Variants in NFYC observed in about 807,000 individuals in gnomAD.
NFYC encodes the protein nuclear transcription factor Y subunit gamma.
A neutral mutation model predicts 53.1 loss-of-function variants in NFYC; 25 were observed. The observed-to-expected ratio is 0.47, with a 90% confidence interval of 0.34 to 0.66. The LOEUF is 0.66. NFYC is among the 30% of genes least tolerant of loss of function. NFYC has a pLI of 0.01. For missense variants in NFYC, 260 were observed against 422.7 expected (o/e 0.62, Z 3.38); for synonymous variants, 145 against 152.6 (o/e 0.95, Z 0.37).
chr1:40,700,084 A>G (rs1366438236), intron 1 of NFYC, among the ~76,000 whole-genome samples: 1 of 152,194 alleles, frequency 6.6e-6, no homozygotes, highest in Non-Finnish European at 1.5e-5. Flanking sequence ...TAAAAAAATG[A>G]ATCATTTTGT....
At chr1:40,766,338 TTG>T (rs1646809786) in intron 7 of NFYC, 3 of 439,730 alleles carry the variant, frequency 6.8e-6, no homozygotes, top group Non-Finnish European at 4.1e-6. Flanking sequence ...GTTCTCACCT[TTG>T]TGACAGGATC....
At position 40,770,627 on chromosome 1, in the gene NFYC, C is replaced by A. The variant is rs772523474; in HGVS notation, c.889-82C>A. The stretch of plus-strand genomic sequence containing the variant: ...GGGTGGTGGTTGAGGTATCTGGGAC[C>A]CCCAACCAGCTCGAGACCCATAGGG... On this transcript the variant is annotated intron_variant, in intron 9 of 9. Transcript: ENST00000447388. This position sits in a 1 kb window ranked among gnomAD's most constrained non-coding sequence, Gnocchi z 5.3. 2 of 1,614,068 alleles carry A rather than the reference C, an allele frequency of 1.2e-6. No individual in the cohort carries two copies. Among genetic ancestry groups the A allele is most frequent in the South Asian group, 2.2e-5 (2 of 91,072 alleles).
intron 1 of NFYC, among the ~76,000 whole-genome samples, chr1:40,722,198 T>C (rs1644354220): frequency 6.6e-6 from 1 of 151,692 alleles, no homozygotes; most frequent in Admixed American, 6.6e-5. Context: ...AAATAATTAA[T>C]TTAAAAAAAG....
At chr1:40,769,290 G>T in intron 8 of NFYC, 66 bp from the exon 9 acceptor site, 1 of 1,504,494 alleles carries the variant, frequency 6.6e-7, no homozygotes, top group South Asian at 1.1e-5. Context: ...ACCCTCTTTT[G>T]GGTGGTGGGC....
intron 1 of NFYC, chr1:40,721,462 C>T (rs968074044): frequency 3.3e-5 from 5 of 152,194 alleles, no homozygotes; most frequent in African/African-American, 1.2e-4. Flanking sequence ...TTCCTCTACC[C>T]TCTAACATAA....
chr1:40,756,578 A>G (rs914889578), intron 5 of NFYC, among the ~76,000 whole-genome samples: 1 of 152,154 alleles, frequency 6.6e-6, no homozygotes, highest in Admixed American at 6.5e-5. Flanking sequence ...ACATCAGGCA[A>G]ACAAAGGATA....
chr1:40,755,206 G>A (rs1032986365), intron 5 of NFYC, among the ~76,000 whole-genome samples: 5 of 152,210 alleles, frequency 3.3e-5, no homozygotes, highest in African/African-American at 1.2e-4. Context: ...ACACTGTAGA[G>A]ATGGCCCTAG....
chr1:40,692,878 T>G (rs1642910598), intron 1 of NFYC, among the ~76,000 whole-genome samples: 1 of 152,196 alleles, frequency 6.6e-6, no homozygotes, highest in South Asian at 2.1e-4. Context: ...AATAGAACAG[T>G]TATACATTAT....
rs1647028174 is a variant in NFYC, at chr1:40,770,373, T to G, written c.889-336T>G. 3.3e-6 allele frequency: 5 copies of G among 1,532,690 alleles called. No individual in the cohort carries two copies. The highest frequency in any genetic ancestry group is 3.5e-6 in the Non-Finnish European group (4 of 1,134,878). 94.9% of individuals were successfully genotyped at this position (1,532,690 alleles called of 1,614,324 possible). On this transcript the variant is annotated intron_variant, in intron 9 of 9. Transcript: ENST00000447388. The surrounding 1 kb of genome is among the most constrained non-coding windows in gnomAD (Gnocchi z 5.3). ...ACTTCCAAGCTGCTGGTACAGTGGT[T>G]CGAATTGCTTGTGTTTGCCACAGAG...
intron 1 of NFYC, among the ~76,000 whole-genome samples, chr1:40,716,126 A>G (rs577852291): frequency 5.9e-5 from 9 of 152,330 alleles, no homozygotes; most frequent in South Asian, 2.1e-4. Flanking sequence ...CCTTTCATCA[A>G]TTCACCACGC....
At position 40,762,927 on chromosome 1, in the gene NFYC, G is replaced by T. The variant is rs1169020050; in HGVS notation, c.601G>T (p.Val201Leu). 3.1e-6 allele frequency: 5 copies of T among 1,609,974 alleles called. No homozygotes were observed. Among genetic ancestry groups the T allele is most frequent in the Non-Finnish European group, 3.4e-6 (4 of 1,177,930 alleles). ...VTMQVGEGQQ[V>L]QIVQAQPQGQ... ...AATGCAGGTTGGAGAAGGTCAGCAGGTGCAGATTGTCCAGGCTCAGCCACA... is the reference window on the plus strand; with the variant it reads ...AATGCAGGTTGGAGAAGGTCAGCAGTTGCAGATTGTCCAGGCTCAGCCACA... Residue 201 changes from valine (V) to leucine (L), a missense_variant, in exon 7 of 10, where the codon GTG becomes TTG. Coordinates refer to ENST00000447388, the MANE Select transcript of NFYC (RefSeq NM_014223.5).
intron 1 of NFYC, among the ~76,000 whole-genome samples, chr1:40,732,508 A>T (rs1251308715): frequency 6.6e-6 from 1 of 152,206 alleles, no homozygotes; most frequent in Admixed American, 6.5e-5. Context: ...TTTTTTCTTT[A>T]AGAATGATAA....
intron 1 of NFYC, among the ~76,000 whole-genome samples, chr1:40,735,947 AG>A (rs1210960264): frequency 3.3e-5 from 5 of 152,236 alleles, no homozygotes; most frequent in Non-Finnish European, 7.3e-5. Context: ...AGTACATCTA[AG>A]AGAGTAGCAT....
intron 9 of NFYC, 136 bp downstream of exon 9, chr1:40,769,551 G>C: frequency 1.4e-6 from 1 of 728,912 alleles, no homozygotes; most frequent in Non-Finnish European, 2.4e-6. Context: ...GTTAAAACAA[G>C]TACGGTATTT....
At position 40,769,413 on chromosome 1, in the gene NFYC, C is replaced by T; in HGVS notation, c.886C>T (p.Gln296Ter). 1 of 1,614,076 alleles carries T rather than the reference C, an allele frequency of 6.2e-7. No individual in the cohort carries two copies. The highest frequency in any genetic ancestry group is 8.5e-7 in the Non-Finnish European group (1 of 1,179,978). ...GCAGTTCAGCCAGTTCACAGATGGA[C>T]AGGTAGGGTACCCAACCTGGGCTGG... ...QQQFSQFTDG[Q>*]QLYQIQQVTM... Residue 296 changes from glutamine to a stop codon, truncating the protein, a stop_gained and splice_region_variant, in exon 9 of 10, where the codon CAG becomes TAG. Transcript: ENST00000447388. LOFTEE classifies it high-confidence loss of function.
chr1:40,704,962 C>T (rs1014074757), intron 1 of NFYC, among the ~76,000 whole-genome samples: 1 of 152,232 alleles, frequency 6.6e-6, no homozygotes, highest in Non-Finnish European at 1.5e-5. Flanking sequence ...TTCTCCCTTT[C>T]TGAACCTTAA....
chr1:40,764,453 T>C lies in NFYC; in HGVS notation c.720+1407T>C, dbSNP rs1018619284. On this transcript the variant is annotated intron_variant, in intron 7 of 9. Coordinates refer to ENST00000447388, the MANE Select transcript of NFYC (RefSeq NM_014223.5). ...TGCAGATGACTGAGCTCTGCCTTGC[T>C]TCATTGTTTCAGTCCTCAACCCCAA... 4.6e-5 allele frequency among the ~76,000 whole-genome samples: 7 copies of C among 152,240 alleles called. No homozygotes were observed. In the South Asian group the frequency reaches 6.2e-4, roughly 13 times the overall value.
chr1:40,735,000 G>T (rs1396568840), intron 1 of NFYC: 1 of 152,112 alleles, frequency 6.6e-6, no homozygotes, highest in South Asian at 2.1e-4. Context: ...AGAACAGTTA[G>T]AGCTGTCCAA....
chr1:40,730,015 T>A (rs1644693986), intron 1 of NFYC, among the ~76,000 whole-genome samples: 1 of 151,680 alleles, frequency 6.6e-6, no homozygotes, highest in South Asian at 2.1e-4. Context: ...CTAAGCTTAA[T>A]CATTTCTAGC....
Sources: gnomAD v4.1 joint callset for allele counts (sites outside exome capture counted in the v4.1 genomes callset) on GRCh38, gnomAD v4.1.1 for gene constraint, Gnocchi (gnomAD v3.1) non-coding constraint, MANE v1.5 for transcripts, NCBI Gene and HGNC (gene_info 2026-07-23, HGNC 2026-07-21) for gene names.